The following CALD1 variants were observed in gnomAD, a reference collection of about 807,000 sequenced individuals.
CALD1 encodes the protein caldesmon.
Under a neutral mutation model 99.9 loss-of-function variants are expected in CALD1, and 33 were observed. The observed-to-expected ratio is 0.33, with a 90% CI of 0.25 to 0.44. The LOEUF (loss-of-function observed/expected upper bound fraction) is 0.44, where lower values mean the gene tolerates loss of function less well. Ranked by LOEUF, CALD1 falls within the 20% of genes least tolerant of loss-of-function variation. CALD1 has a pLI of 1.00. For synonymous variants in CALD1, 310 were observed against 325.0 expected, an observed-to-expected ratio of 0.95 and a Z score of 0.50; for missense variants, 861 against 962.1, an observed-to-expected ratio of 0.89 and a Z score of 1.39.
the CALD1 span, among the ~76,000 whole-genome samples, chr7:134,728,939 C>T: frequency 2.7e-5 from 4 of 150,474 alleles, no homozygotes; most frequent in Non-Finnish European, 4.4e-5. Flanking sequence ...GCAACTTCCT[C>T]CTCCCTGGTT....
chr7:134,826,529 T>A lies in CALD1; in HGVS notation c.-129-17355T>A, dbSNP rs1799002226. On this transcript the variant is annotated intron_variant, in intron 1 of 14. Coordinates refer to ENST00000361675, the MANE Select transcript of CALD1 (RefSeq NM_033138.4). The stretch of plus-strand genomic sequence containing the variant: ...CAATTTGCAGAGTTTGTGACTTGCC[T>A]GAGGTCACAAAGCAAGTTAGTAGTG... Among the ~76,000 whole-genome samples the A allele has an allele frequency of 2.6e-5, 4 of 152,162 alleles. No individual in the cohort carries two copies. The South Asian group carries it at 8.3e-4, about 32-fold the overall frequency.
the CALD1 span, among the ~76,000 whole-genome samples, chr7:134,730,760 T>C: frequency 1.3e-5 from 2 of 152,208 alleles, no homozygotes; most frequent in East Asian, 3.8e-4. Flanking sequence ...ACTTTAGGAT[T>C]AAAATAGACT....
chr7:134,903,037 T>C (rs1803109291), intron 3 of CALD1, among the ~76,000 whole-genome samples: 1 of 152,094 alleles, frequency 6.6e-6, no homozygotes, highest in African/African-American at 2.4e-5. Context: ...CGTAAGTGCA[T>C]ATTACTAAGT....
chr7:134,927,442 C>A (rs1353479448), intron 3 of CALD1, among the ~76,000 whole-genome samples: 1 of 147,636 alleles, frequency 6.8e-6, no homozygotes, highest in Admixed American at 6.8e-5. Context: ...GTCCCAGCTA[C>A]TCAGGAGGCT....
intron 1 of CALD1, among the ~76,000 whole-genome samples, chr7:134,758,684 A>G (rs1205241621): frequency 6.6e-6 from 1 of 152,108 alleles, no homozygotes; most frequent in Non-Finnish European, 1.5e-5. Context: ...TTTGTGAAAC[A>G]GTTTTATTTT....
At chr7:134,920,811 C>A in intron 3 of CALD1, 4 of 619,446 alleles carry the variant, frequency 6.5e-6, no homozygotes, top group South Asian at 1.6e-5. Context: ...ATTTTAGGTG[C>A]AGAGTTCTTT....
At chr7:134,925,591 G>A (rs999172124) in intron 3 of CALD1, among the ~76,000 whole-genome samples, 2 of 152,160 alleles carry the variant, frequency 1.3e-5, no homozygotes, top group Admixed American at 1.3e-4. Context: ...AGCAGCAGAA[G>A]AGAGAAGAGT....
At chr7:134,776,165 T>C (rs1796917422), upstream of CALD1, among the ~76,000 whole-genome samples, 1 of 152,174 alleles carries the variant, frequency 6.6e-6, no homozygotes, top group African/African-American at 2.4e-5. Flanking sequence ...AGCACATTTT[T>C]TTAGTTGTAG....
chr7:134,826,649 G>GCA (rs77746992), intron 1 of CALD1, among the ~76,000 whole-genome samples: 2 of 152,162 alleles, frequency 1.3e-5, no homozygotes, highest in Non-Finnish European at 1.5e-5. Context: ...GATAATATTG[G>GCA]TTTTGTATTG....
At chr7:134,839,511 A>C (rs1799569119) in intron 1 of CALD1, among the ~76,000 whole-genome samples, 1 of 152,208 alleles carries the variant, frequency 6.6e-6, no homozygotes, top group Non-Finnish European at 1.5e-5. Flanking sequence ...TGATTTTGCC[A>C]ATTTATATTC....
chr7:134,767,224 TG>T (rs1796834911), intron 1 of CALD1, among the ~76,000 whole-genome samples: 1 of 147,914 alleles, frequency 6.8e-6, no homozygotes, highest in African/African-American at 2.5e-5. Context: ...TGTGTGTGTG[TG>T]CGTGTGTGAC....
chr7:134,786,337 A>G (rs895493262), intron 1 of CALD1, among the ~76,000 whole-genome samples: 1 of 152,364 alleles, frequency 6.6e-6, no homozygotes, highest in East Asian at 1.9e-4. Context: ...TTGAATTCAT[A>G]GTAGCTTTTA....
intron 1 of CALD1, among the ~76,000 whole-genome samples, chr7:134,774,366 G>A (rs886943966): frequency 6.6e-6 from 1 of 152,122 alleles, no homozygotes; most frequent in African/African-American, 2.4e-5. Flanking sequence ...TGTCCTGGGA[G>A]CCCTGCAGGG....
intron 4 of CALD1, among the ~76,000 whole-genome samples, chr7:134,929,769 A>G (rs909510761): frequency 6.8e-6 from 1 of 146,206 alleles, no homozygotes; most frequent in Admixed American, 6.9e-5. Context: ...TGCGTGTACC[A>G]GTATATTTTG....
chr7:134,856,554 G>A (rs1200129037), intron 2 of CALD1, among the ~76,000 whole-genome samples: 2 of 152,192 alleles, frequency 1.3e-5, no homozygotes, highest in Non-Finnish European at 2.9e-5. Context: ...GGGGTAGCAA[G>A]AAGTTTCCAA....
intron 1 of CALD1, among the ~76,000 whole-genome samples, chr7:134,765,793 T>C (rs1265909489): frequency 1.3e-5 from 2 of 152,122 alleles, no homozygotes; most frequent in Non-Finnish European, 2.9e-5. Context: ...GGATTTCTCA[T>C]GAATGGTTTA....
At chr7:134,874,317 C>T (rs750245690) in intron 3 of CALD1, among the ~76,000 whole-genome samples, 1 of 151,878 alleles carries the variant, frequency 6.6e-6, no homozygotes, top group Non-Finnish European at 1.5e-5. Context: ...CTCAGCCTCT[C>T]GAGTAGGCAC....
the CALD1 span, among the ~76,000 whole-genome samples, chr7:134,730,262 G>A: frequency 4.3e-5 from 6 of 138,436 alleles, no homozygotes; most frequent in East Asian, 9.7e-4. Flanking sequence ...CATTCACAGC[G>A]TTTGCCTCTA....
At chr7:134,880,933 T>A (rs1801571044) in intron 3 of CALD1, among the ~76,000 whole-genome samples, 1 of 152,136 alleles carries the variant, frequency 6.6e-6, no homozygotes, top group Non-Finnish European at 1.5e-5. Context: ...TTTTAAACTC[T>A]AGGTTGAGGC....
Sources: gnomAD v4.1 joint callset for allele counts (sites outside exome capture counted in the v4.1 genomes callset) on GRCh38, gnomAD v4.1.1 for gene constraint, MANE v1.5 for transcripts, NCBI Gene and HGNC (gene_info 2026-07-23, HGNC 2026-07-21) for gene names.